Variants in ARL15 observed in about 807,000 individuals in gnomAD.
ARL15 encodes ARF like GTPase 15.
ARL15 carries 19 observed loss-of-function variants against 25.2 expected under a neutral mutation model. The ratio of observed to expected loss-of-function variants is 0.75; its 90% CI spans 0.53 to 1.10. ARL15 has a LOEUF of 1.10. ARL15 is among the 50% of genes least tolerant of loss of function. ARL15 has a pLI of 0.00. For synonymous variants in ARL15, 94 were observed against 86.8 expected (o/e 1.08, Z -0.46); for missense variants, 220 against 246.0 (o/e 0.89, Z 0.71).
chr5:54,054,593 A>G (rs1288808088), intron 4 of ARL15, among the ~76,000 whole-genome samples: 1 of 152,190 alleles, frequency 6.6e-6, no homozygotes, highest in Non-Finnish European at 1.5e-5. Flanking sequence ...GATCAAGACC[A>G]TCCTGGCTAA....
At chr5:53,947,923 C>A (rs542742157) in intron 4 of ARL15, among the ~76,000 whole-genome samples, 17 of 152,110 alleles carry the variant, frequency 1.1e-4, no homozygotes, top group Non-Finnish European at 2.2e-4. Context: ...CAGCCCTCTC[C>A]ACCTTCCTCC....
chr5:54,031,692 A>T (rs1749989406), intron 4 of ARL15, among the ~76,000 whole-genome samples: 1 of 152,194 alleles, frequency 6.6e-6, no homozygotes, highest in Non-Finnish European at 1.5e-5. Flanking sequence ...ACCACCATTC[A>T]TGGCGAGAGT....
At chr5:54,246,845 C>CAG (rs201051911) in intron 1 of ARL15, among the ~76,000 whole-genome samples, 2 of 122,104 alleles carry the variant, frequency 1.6e-5, no homozygotes, top group South Asian at 2.7e-4. Context: ...CACACACACA[C>CAG]AGAGTACATA....
chr5:54,030,403 G>T (rs113438570), intron 4 of ARL15, among the ~76,000 whole-genome samples: 1 of 152,116 alleles, frequency 6.6e-6, no homozygotes, highest in African/African-American at 2.4e-5. Context: ...GGACATTAAT[G>T]GAAATGTTGG....
chr5:54,131,399 T>C (rs1561236073), intron 3 of ARL15, among the ~76,000 whole-genome samples: 1 of 152,184 alleles, frequency 6.6e-6, no homozygotes, highest in African/African-American at 2.4e-5. Context: ...CTCCTCCTCC[T>C]GGGGATCTAC....
chr5:53,893,451 C>CA (rs1363365752), intron 4 of ARL15, among the ~76,000 whole-genome samples: 2 of 152,066 alleles, frequency 1.3e-5, no homozygotes, highest in Admixed American at 6.5e-5. Context: ...CTAAAAGATA[C>CA]AAAAAAATTA....
chr5:54,109,331 T>A (rs934893499), intron 4 of ARL15, among the ~76,000 whole-genome samples: 1 of 152,004 alleles, frequency 6.6e-6, no homozygotes, highest in African/African-American at 2.4e-5. Flanking sequence ...ATATACTATT[T>A]CTGAAAAAGT....
intron 1 of ARL15, among the ~76,000 whole-genome samples, chr5:54,204,095 G>A (rs150108159): frequency 9.2e-5 from 14 of 152,222 alleles, no homozygotes; most frequent in African/African-American, 3.4e-4. Context: ...AATTTGAGTG[G>A]TAAAGGACAT....
At chr5:54,286,897 C>G (rs1458484733) in intron 1 of ARL15, among the ~76,000 whole-genome samples, 1 of 142,802 alleles carries the variant, frequency 7.0e-6, no homozygotes, top group East Asian at 2.1e-4. Context: ...GAGACAGGGT[C>G]TTACTGTGTC....
At chr5:54,213,003 C>T (rs1756087401) in intron 1 of ARL15, among the ~76,000 whole-genome samples, 1 of 152,202 alleles carries the variant, frequency 6.6e-6, no homozygotes, top group African/African-American at 2.4e-5. Context: ...CCTGTATCTC[C>T]TTTAAATATG....
chr5:53,937,358 C>T (rs907501073), intron 4 of ARL15, among the ~76,000 whole-genome samples: 1 of 152,090 alleles, frequency 6.6e-6, no homozygotes, highest in Non-Finnish European at 1.5e-5. Flanking sequence ...TGGTTTTCAT[C>T]ACATTTACAC....
intron 1 of ARL15, among the ~76,000 whole-genome samples, chr5:54,216,607 T>C (rs922117789): frequency 1.3e-5 from 2 of 151,164 alleles, no homozygotes; most frequent in South Asian, 2.1e-4. Flanking sequence ...GTTGTCTCTA[T>C]ATTATGGGTA....
chr5:54,289,933 A>G (rs936763470), intron 1 of ARL15, among the ~76,000 whole-genome samples: 1 of 152,196 alleles, frequency 6.6e-6, no homozygotes, highest in East Asian at 1.9e-4. Context: ...GGGGCCCCAC[A>G]CACCAGGAAG....
At chr5:54,243,475 A>C (rs1047085676) in intron 1 of ARL15, among the ~76,000 whole-genome samples, 2 of 152,216 alleles carry the variant, frequency 1.3e-5, no homozygotes, top group Non-Finnish European at 2.9e-5. Flanking sequence ...TCCAAAATGG[A>C]GGCTATTGAT....
At chr5:54,226,637 T>C (rs561960866) in intron 1 of ARL15, among the ~76,000 whole-genome samples, 8 of 146,254 alleles carry the variant, frequency 5.5e-5, no homozygotes, top group Admixed American at 1.4e-4. Flanking sequence ...TTAGAAATAA[T>C]GCCTTGCTTT....
At chr5:54,002,095 C>T (rs1046591664) in intron 4 of ARL15, among the ~76,000 whole-genome samples, 8 of 152,142 alleles carry the variant, frequency 5.3e-5, no homozygotes, top group African/African-American at 9.7e-5. Context: ...GAATTGGTTA[C>T]GTATCTTACA....
intron 1 of ARL15, among the ~76,000 whole-genome samples, chr5:54,214,447 T>C (rs1756126801): frequency 6.6e-6 from 1 of 152,172 alleles, no homozygotes; most frequent in South Asian, 2.1e-4. Context: ...AAAGCTTTTT[T>C]CCCTACATAT....
At chr5:54,111,317 C>T (rs954780024) in intron 4 of ARL15, among the ~76,000 whole-genome samples, 1 of 151,950 alleles carries the variant, frequency 6.6e-6, no homozygotes, top group Non-Finnish European at 1.5e-5. Flanking sequence ...TATGACAACG[C>T]TACATTTATA....
intron 1 of ARL15, among the ~76,000 whole-genome samples, chr5:54,255,285 A>G (rs1050327840): frequency 1.3e-5 from 2 of 152,214 alleles, no homozygotes; most frequent in Non-Finnish European, 2.9e-5. Context: ...CCAGAAACAA[A>G]GGAGAATGTT....
Sources: gnomAD v4.1 joint callset for allele counts (sites outside exome capture counted in the v4.1 genomes callset) on GRCh38, gnomAD v4.1.1 for gene constraint, MANE v1.5 for transcripts, NCBI Gene and HGNC (gene_info 2026-07-23, HGNC 2026-07-21) for gene names.